FER1L6: variants seen among roughly 807,000 people sequenced by gnomAD.
The protein encoded by FER1L6 is fer-1-like protein 6.
In FER1L6, 177 loss-of-function variants were observed where a neutral mutation model predicts 219.2. The observed-to-expected ratio is 0.81, with a 90% CI of 0.71 to 0.91. The LOEUF (loss-of-function observed/expected upper bound fraction) is 0.91. Ranked by LOEUF, FER1L6 falls within the 40% of genes least tolerant of loss-of-function variation. The pLI is 0.00. For missense variants in FER1L6, 2,153 were observed against 2,259.9 expected, an observed-to-expected ratio of 0.95 and a Z score of 0.96; for synonymous variants, 768 against 824.3, an observed-to-expected ratio of 0.93 and a Z score of 1.17.
In FER1L6 at chr8:124,097,253, A is replaced by T. The variant is rs758681321; in HGVS notation, c.4696-18A>T. 6.3e-6 allele frequency: 10 copies of T among 1,598,620 alleles called. No individual in the cohort carries two copies. Among genetic ancestry groups the T allele is most frequent in the African/African-American group, 4.0e-5 (3 of 74,490 alleles). ...GCCCCCTCCCAAAGCTAAAGAAGAT[A>T]TTTTTTTTCTTAACAAGGGCCGCCT... On this transcript the variant is annotated intron_variant, in intron 35 of 40. Transcript: ENST00000522917.
At chr8:123,956,098 A>T in intron 2 of FER1L6, 24 bp downstream of exon 2, 2 of 1,596,500 alleles carry the variant, frequency 1.3e-6, no homozygotes, top group Non-Finnish European at 1.7e-6. Flanking sequence ...TGGGGTGCTG[A>T]CCATTGGGGC....
chr8:124,039,756 G>A lies in FER1L6; in HGVS notation c.2465-126G>A, dbSNP rs1437855755. ...ATTCCTGTCTCAGAGGAGGGTGGAT[G>A]TGGCTGGTGGTCTCCTTTTGTCTGT... is the stretch of plus-strand genomic sequence containing the variant. On this transcript the variant is annotated intron_variant, in intron 19 of 40. Coordinates refer to ENST00000522917, the MANE Select transcript of FER1L6 (RefSeq NM_001039112.2). The A allele has an allele frequency of 7.6e-6, 9 of 1,189,782 alleles. No homozygotes were observed. The African/African-American group carries it at 9.1e-5, about 12-fold the overall frequency. 73.7% of individuals were successfully genotyped at this position (1,189,782 alleles called of 1,614,324 possible).
intron 1 of FER1L6, among the ~76,000 whole-genome samples, chr8:123,896,073 A>G (rs1243850729): frequency 6.6e-6 from 1 of 152,160 alleles, no homozygotes; most frequent in African/African-American, 2.4e-5. Context: ...CAGCCGCTCT[A>G]GGAAGAGCAA....
rs1821280272 is a variant in FER1L6 at position 124,076,183 on chromosome 8, C to A, written c.4093-15C>A. 2.5e-6 allele frequency: 4 copies of A among 1,613,534 alleles called. No homozygotes were observed. The highest frequency in any genetic ancestry group is 2.7e-5 in the African/African-American group (2 of 75,006). On this transcript the variant is annotated splice_polypyrimidine_tract_variant and intron_variant, in intron 31 of 40. Coordinates refer to ENST00000522917, the MANE Select transcript of FER1L6 (RefSeq NM_001039112.2). ...AGAGCTATTGAACCAAAGACATTTT[C>A]TTTTTCCTTTCCAGGCATTTAATCT...
intron 16 of FER1L6, 91 bp from the exon 17 acceptor site, chr8:124,021,459 T>C: frequency 6.5e-7 from 1 of 1,549,150 alleles, no homozygotes. Flanking sequence ...AGTGTGGAGC[T>C]CACCAGGACC....
chr8:123,973,627 C>G, intron 7 of FER1L6, 115 bp downstream of exon 7: 1 of 784,050 alleles, frequency 1.3e-6, no homozygotes, highest in Non-Finnish European at 2.3e-6. Context: ...CACTGAGCAC[C>G]AGTTATACAA....
At chr8:123,915,210 T>A (rs1813149100) in intron 1 of FER1L6, among the ~76,000 whole-genome samples, 1 of 152,174 alleles carries the variant, frequency 6.6e-6, no homozygotes, top group Non-Finnish European at 1.5e-5. Context: ...TCAATTCTTT[T>A]GCAGGAATGA....
rs779911675 is a variant in FER1L6 at position 124,040,032 on chromosome 8, G to C, written c.2589+26G>C. 4 of 1,613,686 alleles carry C rather than the reference G, an allele frequency of 2.5e-6. No individual in the cohort carries two copies. The Admixed American group carries it at 6.7e-5, about 27-fold the overall frequency. ...GTAACCAGGGTAACCAAGACAGCCT[G>C]CTTCTTTCCTGCAGCCTGCAACTGA... is the stretch of plus-strand genomic sequence containing the variant. On this transcript the variant is annotated intron_variant, in intron 20 of 40. Coordinates refer to ENST00000522917, the MANE Select transcript of FER1L6 (RefSeq NM_001039112.2).
chr8:124,039,837 T>C, intron 19 of FER1L6, 45 bp from the exon 20 acceptor site: 1 of 1,613,240 alleles, frequency 6.2e-7, no homozygotes, highest in Non-Finnish European at 8.5e-7. Flanking sequence ...ACACTGTTCT[T>C]GAAAAGCCCA....
In FER1L6 at chr8:124,070,562, T is replaced by C. The variant is rs1431636246; in HGVS notation, c.3930T>C (p.His1310=). 3 of 1,601,730 alleles carry C rather than the reference T, an allele frequency of 1.9e-6. No homozygotes were observed. Among genetic ancestry groups the C allele is most frequent in the Admixed American group, 1.8e-5 (1 of 56,606 alleles). ...LFRGKSTEDD[H]GLDGDRVIGK... ...GAGGCAAGTCTACGGAAGATGACCATGGTCTTGATGGAGACCGAGTCATAG... is the reference window on the plus strand; with the variant it reads ...GAGGCAAGTCTACGGAAGATGACCACGGTCTTGATGGAGACCGAGTCATAG... The change falls in exon 30 of 41, where the codon CAT becomes CAC. Residue 1310 remains histidine (H), a synonymous_variant. Coordinates refer to ENST00000522917, the MANE Select transcript of FER1L6 (RefSeq NM_001039112.2).
At chr8:124,003,718 C>T (rs954363632) in intron 13 of FER1L6, among the ~76,000 whole-genome samples, 9 of 152,036 alleles carry the variant, frequency 5.9e-5, no homozygotes, top group African/African-American at 1.4e-4. Context: ...CCTCCTGCCT[C>T]GGCCTCCTGA....
intron 1 of FER1L6, among the ~76,000 whole-genome samples, chr8:123,911,783 G>A (rs747239651): frequency 2.6e-5 from 4 of 152,136 alleles, no homozygotes; most frequent in Admixed American, 2.0e-4. Context: ...CAAGGCTCCC[G>A]ACTCAGGGCC....
chr8:124,085,249 C>T lies in FER1L6; in HGVS notation c.4391+2791C>T, dbSNP rs182345202. Reference sequence around the variant, plus strand: ...CAACTTTTCATTTTGTTAATCTTATCTCTTTTTCTACTAATTTTGGGTTTG... The same window carrying T: ...CAACTTTTCATTTTGTTAATCTTATTTCTTTTTCTACTAATTTTGGGTTTG... On this transcript the variant is annotated intron_variant, in intron 33 of 40. Coordinates refer to ENST00000522917, the MANE Select transcript of FER1L6 (RefSeq NM_001039112.2). Among the ~76,000 whole-genome samples, 46 of 151,972 alleles carry T rather than the reference C, an allele frequency of 3.0e-4. No individual in the cohort carries two copies. In the East Asian group the frequency reaches 6.6e-3, roughly 22 times the overall value.
intron 1 of FER1L6, among the ~76,000 whole-genome samples, chr8:123,891,282 A>G (rs1242161616): frequency 6.6e-6 from 1 of 152,240 alleles, no homozygotes; most frequent in Non-Finnish European, 1.5e-5. Flanking sequence ...GAAATGTGCG[A>G]TGATATTCTT....
rs150737048 is a variant in FER1L6, at chr8:124,091,525, A to G, written c.4494A>G (p.Lys1498=). The G allele has an allele frequency of 2.9e-4, 466 of 1,614,138 alleles. 3 individuals carry two copies. In the African/African-American group the frequency reaches 5.3e-3, roughly 19 times the overall value. Residue 1498 remains lysine, a synonymous_variant, in exon 34 of 41, where the codon AAA becomes AAG. Transcript: ENST00000522917. ...KLDGPYFHPG[K]IQIGNQVFSG... ...ATGGACCCTACTTTCACCCTGGGAA[A>G]ATACAGATAGGAAACCAAGTCTTTT... is the stretch of plus-strand genomic sequence containing the variant.
intron 1 of FER1L6, among the ~76,000 whole-genome samples, chr8:123,930,215 G>T (rs139989200): frequency 6.8e-4 from 103 of 152,170 alleles, no homozygotes; most frequent in African/African-American, 2.4e-3. Flanking sequence ...TGTGTATTTA[G>T]TTCTATGTAA....
chr8:124,118,753 A>C, intron 39 of FER1L6, 91 bp from the exon 40 acceptor site: 1 of 1,074,142 alleles, frequency 9.3e-7, no homozygotes, highest in East Asian at 2.5e-5. Flanking sequence ...TACTTTCTGG[A>C]ATTCTCCAAC....
intron 1 of FER1L6, among the ~76,000 whole-genome samples, chr8:123,897,150 G>T (rs1358584167): frequency 1.3e-5 from 2 of 152,108 alleles, no homozygotes; most frequent in African/African-American, 4.8e-5. Context: ...AACTGCCACT[G>T]CAGCCCAGGT....
At chr8:123,924,831 C>T (rs1813503320) in intron 1 of FER1L6, 1 of 152,212 alleles carries the variant, frequency 6.6e-6, no homozygotes, top group Non-Finnish European at 1.5e-5. Flanking sequence ...ACACTTTCCT[C>T]TTCACTTGGT....
Sources: allele counts gnomAD v4.1 joint callset (sites outside exome capture counted in the v4.1 genomes callset), GRCh38; gene constraint gnomAD v4.1.1; transcripts MANE v1.5; gene names NCBI Gene and HGNC (gene_info 2026-07-23, HGNC 2026-07-21).